The following NOVA2 variants were observed in gnomAD, a reference collection of about 807,000 sequenced individuals.
NOVA2 encodes the protein NOVA alternative splicing regulator 2, also known as RNA-binding protein Nova-2.
In NOVA2, 9 loss-of-function variants were observed where a neutral mutation model predicts 22.5. That is an observed-to-expected ratio of 0.40 (90% CI 0.24 to 0.70). The LOEUF (loss-of-function observed/expected upper bound fraction) is 0.70. Ranked by LOEUF, NOVA2 falls within the 30% of genes least tolerant of loss-of-function variation. The probability of loss-of-function intolerance (pLI) is 0.38; values close to 1 mark genes in which losing one functional copy is unlikely to be tolerated. For synonymous variants in NOVA2, 318 were observed against 335.2 expected, an observed-to-expected ratio of 0.95 and a Z score of 0.56; for missense variants, 383 against 682.8, an observed-to-expected ratio of 0.56 and a Z score of 4.89.
At chr19:45,971,354 CCTCCTGGGTCCCTGACCTCT>C (rs1968229999) in intron 1 of NOVA2, among the ~76,000 whole-genome samples, 1 of 151,940 alleles carries the variant, frequency 6.6e-6, no homozygotes. Flanking sequence ...GGCTCAGGGA[CCTCCTGGGTCCCTGACCTCT>C]CCAGGACTGG....
chr19:45,958,538 TGA>T (rs1968045765), intron 2 of NOVA2, among the ~76,000 whole-genome samples: 1 of 150,608 alleles, frequency 6.6e-6, no homozygotes, highest in Admixed American at 6.6e-5. Context: ...ACAGTGTGTG[TGA>T]CTGTGTGTAA....
At position 45,940,694 on chromosome 19, in the gene NOVA2, G is replaced by A; in HGVS notation, c.648C>T (p.Asn216=). ...SSSCLNISYA[N]VAGPVANSNP... ...TGGAGTTGGCCACGGGGCCTGCCAC[G>A]TTGGCGTAGCTGATGTTGAGGCAGC... Residue 216 remains asparagine, a synonymous_variant, in exon 4 of 4, where the codon AAC becomes AAT. Coordinates refer to ENST00000263257, the MANE Select transcript of NOVA2 (RefSeq NM_002516.4). 3 of 1,603,734 alleles carry A rather than the reference G, an allele frequency of 1.9e-6. No homozygotes were observed. In the South Asian group the frequency reaches 3.3e-5, roughly 18 times the overall value.
chr19:45,939,633 G>A lies in NOVA2; in HGVS notation c.*230C>T, dbSNP rs1017977491. The A allele has an allele frequency of 1.6e-5, 9 of 576,986 alleles. No homozygotes were observed. The African/African-American group carries it at 1.7e-4, about 11-fold the overall frequency. The allele number at this position is 576,986 out of a possible 1,614,324, so 35.7% of individuals were successfully genotyped here. On this transcript the variant is annotated 3_prime_UTR_variant, in exon 4 of 4. Transcript: ENST00000263257. ...GGCCCAGCCAAGCACAGGGAGGGAG[G>A]AAGGAGGGGTCAGTTCCGGGCTGGG...
At chr19:45,949,339 AAC>A (rs1268244019) in intron 3 of NOVA2, among the ~76,000 whole-genome samples, 1 of 129,506 alleles carries the variant, frequency 7.7e-6, no homozygotes, top group Admixed American at 7.7e-5. Flanking sequence ...AAAAAAAAAA[AAC>A]ACCAGGAAAA....
chr19:45,970,934 A>G (rs542193916), intron 1 of NOVA2, among the ~76,000 whole-genome samples: 90 of 152,058 alleles, frequency 5.9e-4, no homozygotes, highest in African/African-American at 2.1e-3. Context: ...TCTGGAGGAG[A>G]TGGTCCCTAA....
At chr19:45,943,136 C>T (rs1967785675) in intron 3 of NOVA2, among the ~76,000 whole-genome samples, 1 of 150,546 alleles carries the variant, frequency 6.6e-6, no homozygotes, top group Non-Finnish European at 1.5e-5. Flanking sequence ...TCACTGCAAT[C>T]TCCACCTCCT....
intron 1 of NOVA2, among the ~76,000 whole-genome samples, chr19:45,969,525 A>G (rs1304267918): frequency 1.3e-5 from 2 of 150,906 alleles, no homozygotes; most frequent in Non-Finnish European, 3.0e-5. Flanking sequence ...AAAAAAAAAA[A>G]AAAAAAAAAA....
At chr19:45,949,064 A>G (rs1967883960) in intron 3 of NOVA2, among the ~76,000 whole-genome samples, 1 of 152,210 alleles carries the variant, frequency 6.6e-6, no homozygotes, top group Admixed American at 6.5e-5. Flanking sequence ...TTCTGTTTAT[A>G]TAAAAGATCC....
intron 1 of NOVA2, among the ~76,000 whole-genome samples, chr19:45,968,656 A>G (rs562414905): frequency 6.6e-6 from 1 of 152,046 alleles, no homozygotes; most frequent in African/African-American, 2.4e-5. Flanking sequence ...GCCTTACGCT[A>G]TGTGCTTCAC....
rs1471548130 is a variant in NOVA2 at position 45,939,473 on chromosome 19, T to A, written c.*390A>T. On this transcript the variant is annotated 3_prime_UTR_variant, in exon 4 of 4. Transcript: ENST00000263257. ...CAAAAACTTATAAAGGGGGAAAAAA[T>A]CCTTACCAAAAAAAAAAAAAAAAAA... 10 of 16,540 alleles carry A rather than the reference T, an allele frequency of 6.0e-4. No individual in the cohort carries two copies. Among genetic ancestry groups the A allele is most frequent in the African/African-American group, 2.0e-3 (3 of 1,506 alleles). 1.0% of individuals were successfully genotyped at this position (16,540 alleles called of 1,614,324 possible).
chr19:45,945,177 T>C (rs1034799928), intron 3 of NOVA2, among the ~76,000 whole-genome samples: 1 of 151,924 alleles, frequency 6.6e-6, no homozygotes, highest in Non-Finnish European at 1.5e-5. Flanking sequence ...TGCAGTGGTG[T>C]GCACCTGTCG....
intron 3 of NOVA2, among the ~76,000 whole-genome samples, chr19:45,946,662 A>G (rs938752808): frequency 6.6e-6 from 1 of 152,094 alleles, no homozygotes; most frequent in African/African-American, 2.4e-5. Context: ...TCACGAGGTC[A>G]GGAGATCGAG....
At chr19:45,946,484 TG>T (rs1199671390) in intron 3 of NOVA2, among the ~76,000 whole-genome samples, 4 of 152,214 alleles carry the variant, frequency 2.6e-5, no homozygotes, top group Admixed American at 2.0e-4. Flanking sequence ...TTAGCATTTT[TG>T]TTTGTTTGTT....
Position 45,953,882 on chromosome 19 carries a change from A to T in NOVA2, c.294T>A (p.Phe98Leu). 1 of 1,614,192 alleles carries T rather than the reference A, an allele frequency of 6.2e-7. No individual in the cohort carries two copies. Among genetic ancestry groups the T allele is most frequent in the Non-Finnish European group, 8.5e-7 (1 of 1,180,044 alleles). Residue 98 changes from phenylalanine to leucine, a missense_variant, in exon 3 of 4, where the codon TTT (phenylalanine) becomes TTA (leucine). Around this residue, in one of 2 missense-constraint regions of NOVA2, gnomAD observed 349 missense variants for 578.1 expected, o/e 0.60. Coordinates refer to ENST00000263257, the MANE Select transcript of NOVA2 (RefSeq NM_002516.4). Reference sequence around the variant, plus strand: ...GGATTTCTCGGACCTTCTCGGCAATAAAGCTGTGCACAGCATTCAAGGCCT... The same window carrying T: ...GGATTTCTCGGACCTTCTCGGCAATTAAGCTGTGCACAGCATTCAAGGCCT... ...TAEALNAVHS[F>L]IAEKVREIPQ...
chr19:45,944,043 A>T (rs1967801338), intron 3 of NOVA2, among the ~76,000 whole-genome samples: 1 of 152,226 alleles, frequency 6.6e-6, no homozygotes, highest in African/African-American at 2.4e-5. Context: ...TATACTCTGG[A>T]TCACTTTACA....
At chr19:45,964,545 G>A (rs1968143770) in intron 1 of NOVA2, among the ~76,000 whole-genome samples, 1 of 80,844 alleles carries the variant, frequency 1.2e-5, no homozygotes, top group African/African-American at 4.6e-5. Flanking sequence ...AAGAGAAACT[G>A]CTCTAACACT....
chr19:45,951,924 T>C (rs1375608525), intron 3 of NOVA2, among the ~76,000 whole-genome samples: 1 of 152,212 alleles, frequency 6.6e-6, no homozygotes, highest in Admixed American at 6.5e-5. Context: ...CAAAGTGCAA[T>C]AATTCGGTGG....
intron 1 of NOVA2, chr19:45,967,436 C>A (rs374530323): frequency 9.3e-4 from 142 of 152,244 alleles, no homozygotes; most frequent in African/African-American, 3.3e-3. Context: ...AATCTACATG[C>A]CAGAACTCCG....
Position 45,973,410 on chromosome 19 carries a change from G to A in NOVA2, c.-59C>T. ...CGGCGGCTGCGGCGGCGGCGGCGGC[G>A]GCTGCTGTGGCGGCGGCGACGGCTG... On this transcript the variant is annotated 5_prime_UTR_variant, in exon 1 of 4. Coordinates refer to ENST00000263257, the MANE Select transcript of NOVA2 (RefSeq NM_002516.4). 2 of 369,224 alleles carry A rather than the reference G, an allele frequency of 5.4e-6. No homozygotes were observed. The allele number at this position is 369,224 out of a possible 1,614,324, so 22.9% of individuals were successfully genotyped here.
Sources: allele counts gnomAD v4.1 joint callset (sites outside exome capture counted in the v4.1 genomes callset), GRCh38; gene constraint gnomAD v4.1.1; regional missense constraint gnomAD v4.1.1; transcripts MANE v1.5; gene names NCBI Gene and HGNC (gene_info 2026-07-23, HGNC 2026-07-21).